Variants in PDZD2 observed in about 807,000 individuals in gnomAD.
PDZD2 encodes the protein PDZ domain-containing protein 2.
In PDZD2, 90 loss-of-function variants were observed where a neutral mutation model predicts 220.7. That is an observed-to-expected ratio of 0.41 (90% CI 0.34 to 0.49). The LOEUF is 0.49. Ranked by LOEUF, PDZD2 falls within the 20% of genes least tolerant of loss-of-function variation. The pLI is 0.28. For missense variants in PDZD2, 3,174 were observed against 3,608.5 expected, an observed-to-expected ratio of 0.88 and a Z score of 3.08; for synonymous variants, 1,375 against 1,450.5, an observed-to-expected ratio of 0.95 and a Z score of 1.18.
chr5:31,745,427 T>G (rs1260092472), intron 1 of PDZD2, among the ~76,000 whole-genome samples: 1 of 152,170 alleles, frequency 6.6e-6, no homozygotes, highest in South Asian at 2.1e-4. Context: ...TCAATAAGTA[T>G]TTTTTGATAA....
At chr5:31,770,405 C>T (rs1053822428) in intron 1 of PDZD2, among the ~76,000 whole-genome samples, 20 of 152,138 alleles carry the variant, frequency 1.3e-4, no homozygotes, top group African/African-American at 3.9e-4. Context: ...AGCTGAATGG[C>T]AGGCTTTTGG....
chr5:31,975,049 C>T (rs893476071), intron 2 of PDZD2, among the ~76,000 whole-genome samples: 2 of 152,174 alleles, frequency 1.3e-5, no homozygotes, highest in Non-Finnish European at 1.5e-5. Context: ...CTTCACTCAG[C>T]GTGTGTCTCC....
At position 31,898,808 on chromosome 5, in the gene PDZD2, C is replaced by CTT. The variant is rs35589628; in HGVS notation, c.477-84330_477-84329dup. Among the ~76,000 whole-genome samples the CTT allele has an allele frequency of 9.3e-3, 1,143 of 123,378 alleles. 10 individuals carry two copies. The highest frequency in any genetic ancestry group is 0.018 in the African/African-American group (629 of 34,018). 80.9% of individuals were successfully genotyped at this position (123,378 alleles called of 152,430 possible). On this transcript the variant is annotated intron_variant, in intron 2 of 24. Transcript: ENST00000438447. Reference sequence around the variant, plus strand: ...CTTAAGGATAGATGGAGCCTCTCTTCTTTTTTTTTTTTTTTTTTGTTTTTT... The same window carrying CTT: ...CTTAAGGATAGATGGAGCCTCTCTTCTTTTTTTTTTTTTTTTTTTTGTTTTTT...
intron 1 of PDZD2, among the ~76,000 whole-genome samples, chr5:31,660,406 A>G (rs1000257948): frequency 1.3e-5 from 2 of 152,114 alleles, no homozygotes; most frequent in African/African-American, 4.8e-5. Context: ...GCTATGAAGA[A>G]ATACCTGAGA....
chr5:31,769,138 A>G (rs1034421232), intron 1 of PDZD2, among the ~76,000 whole-genome samples: 1 of 152,210 alleles, frequency 6.6e-6, no homozygotes, highest in Admixed American at 6.5e-5. Flanking sequence ...GGAGAGCCCC[A>G]CTGGGACACA....
Position 31,983,324 on chromosome 5 carries a change from A to T in PDZD2, c.646A>T (p.Thr216Ser), listed in dbSNP as rs374216202. 9 of 1,614,068 alleles carry T rather than the reference A, an allele frequency of 5.6e-6. No homozygotes were observed. Among genetic ancestry groups the T allele is most frequent in the Non-Finnish European group, 7.6e-6 (9 of 1,180,024 alleles). ...CCGAACTGCGAAAAAGGGGAAACGA[A>T]CCAGAAAGTTTGGGGTCATCTCCAG... ...GDRTAKKGKR[T>S]RKFGVISRPP... is the part of the protein sequence containing the mutation. The change falls in exon 3 of 25, where the codon ACC (threonine) becomes TCC (serine). Residue 216 changes from threonine to serine, a missense_variant. Thr to Ser is a moderately conservative substitution (Grantham distance 58). This residue lies in a region of PDZD2 where 632 missense variants were observed against 708.1 expected (regional missense o/e 0.89). Transcript: ENST00000438447.
At chr5:31,748,290 G>C (rs1750722031) in intron 1 of PDZD2, among the ~76,000 whole-genome samples, 2 of 152,168 alleles carry the variant, frequency 1.3e-5, no homozygotes, top group Non-Finnish European at 2.9e-5. Context: ...CAGGAGATGA[G>C]AGCGTTGGAG....
intron 2 of PDZD2, among the ~76,000 whole-genome samples, chr5:31,821,809 A>G (rs1289996879): frequency 6.6e-6 from 1 of 151,556 alleles, no homozygotes; most frequent in Non-Finnish European, 1.5e-5. Flanking sequence ...TAAGCCCCAC[A>G]TGCATTAGCT....
intron 1 of PDZD2, among the ~76,000 whole-genome samples, chr5:31,700,955 C>A (rs1004178334): frequency 6.6e-6 from 1 of 152,198 alleles, no homozygotes; most frequent in South Asian, 2.1e-4. Flanking sequence ...GTCTTCTTCC[C>A]AGTCCCTCTG....
intron 6 of PDZD2, among the ~76,000 whole-genome samples, chr5:32,027,634 T>C (rs766664633): frequency 6.6e-6 from 1 of 152,180 alleles, no homozygotes; most frequent in African/African-American, 2.4e-5. Context: ...CGAGTTTGAC[T>C]TTGTGGTGTT....
chr5:31,980,966 A>G (rs1750248409), intron 2 of PDZD2, among the ~76,000 whole-genome samples: 1 of 152,094 alleles, frequency 6.6e-6, no homozygotes, highest in South Asian at 2.1e-4. Context: ...TTGTATTTTT[A>G]GTAGAGACGA....
rs900215947 is a variant in PDZD2, at chr5:31,799,171, C to T, written c.-78C>T. Reference sequence around the variant, plus strand: ...CAAAGCTGATGATGGCCAGGGACCCCAGGGGACGTGGGGCCCTGTGGGGTC... The same window carrying T: ...CAAAGCTGATGATGGCCAGGGACCCTAGGGGACGTGGGGCCCTGTGGGGTC... On this transcript the variant is annotated 5_prime_UTR_variant, in exon 2 of 25. The change creates a premature stop within an existing upstream ORF in the 5' untranslated region. Coordinates refer to ENST00000438447, the MANE Select transcript of PDZD2 (RefSeq NM_178140.4). The T allele has an allele frequency of 7.4e-6, 7 of 940,366 alleles. No individual in the cohort carries two copies. The highest frequency in any genetic ancestry group is 1.1e-5 in the Non-Finnish European group (7 of 622,552). The allele number at this position is 940,366 out of a possible 1,614,324, so 58.3% of individuals were successfully genotyped here.
intron 1 of PDZD2, among the ~76,000 whole-genome samples, chr5:31,687,164 T>C (rs1229330934): frequency 6.6e-6 from 1 of 151,870 alleles, no homozygotes; most frequent in Non-Finnish European, 1.5e-5. Flanking sequence ...AGTATGGGAG[T>C]GTTCATACCA....
chr5:31,940,459 G>C (rs1245143932), intron 2 of PDZD2, among the ~76,000 whole-genome samples: 1 of 152,208 alleles, frequency 6.6e-6, no homozygotes, highest in Non-Finnish European at 1.5e-5. Context: ...TGGGACTCTA[G>C]ATCTGCCTTC....
intron 2 of PDZD2, among the ~76,000 whole-genome samples, chr5:31,815,235 A>G (rs1464922718): frequency 2.1e-5 from 3 of 141,834 alleles, no homozygotes; most frequent in South Asian, 4.7e-4. Flanking sequence ...ACAAGAGCAA[A>G]ACTCTGTCTC....
intron 2 of PDZD2, among the ~76,000 whole-genome samples, chr5:31,971,963 G>A (rs10940988): frequency 0.091 from 13,816 of 152,178 alleles, 991 homozygotes; most frequent in East Asian, 0.39. Flanking sequence ...TGTTCCCTCT[G>A]TCTGGAACAT....
intron 2 of PDZD2, among the ~76,000 whole-genome samples, chr5:31,982,334 G>T (rs1325258525): frequency 6.6e-6 from 1 of 152,132 alleles, no homozygotes; most frequent in African/African-American, 2.4e-5. Flanking sequence ...TGGAGACAGG[G>T]TCTCACTCTG....
At chr5:31,661,046 T>C (rs1179268668) in intron 1 of PDZD2, among the ~76,000 whole-genome samples, 1 of 152,196 alleles carries the variant, frequency 6.6e-6, no homozygotes, top group Non-Finnish European at 1.5e-5. Context: ...TAAGAAGTAA[T>C]TCTTGTATCC....
In PDZD2 at chr5:32,089,730, G is replaced by A; in HGVS notation, c.6282G>A (p.Glu2094=). The A allele has an allele frequency of 6.2e-7, 1 of 1,614,180 alleles. No homozygotes were observed. Among genetic ancestry groups the A allele is most frequent in the Admixed American group, 1.7e-5 (1 of 60,032 alleles). ...GAACAAACCAGCTGAAAATCGTGGA[G>A]ATTTCTGCTGAAGCAGTGTCAGAGA... The part of the protein sequence containing the change: ...LERTNQLKIV[E]ISAEAVSETV... Residue 2094 remains glutamate, a synonymous_variant, in exon 20 of 25, where the codon GAG becomes GAA. Coordinates refer to ENST00000438447, the MANE Select transcript of PDZD2 (RefSeq NM_178140.4).
Sources: allele counts gnomAD v4.1 joint callset (sites outside exome capture counted in the v4.1 genomes callset), GRCh38; gene constraint gnomAD v4.1.1; regional missense constraint gnomAD v4.1.1; transcripts MANE v1.5; gene names NCBI Gene and HGNC (gene_info 2026-07-23, HGNC 2026-07-21).